Variants in GNG2 observed in about 807,000 individuals in gnomAD.
The protein encoded by GNG2 is guanine nucleotide-binding protein G(I)/G(S)/G(O) subunit gamma-2.
Under a neutral mutation model 5.5 loss-of-function variants are expected in GNG2, and 5 were observed. The ratio of observed to expected loss-of-function variants is 0.91; its 90% CI spans 0.48 to 1.92. The LOEUF (loss-of-function observed/expected upper bound fraction) is 1.92, where lower values mean the gene tolerates loss of function less well. GNG2 is among the 30% of genes most tolerant of loss of function. GNG2 has a pLI of 0.01. For synonymous variants in GNG2, 28 were observed against 32.0 expected, an observed-to-expected ratio of 0.88 and a Z score of 0.42; for missense variants, 55 against 88.4, an observed-to-expected ratio of 0.62 and a Z score of 1.52.
chr14:51,912,475 G>A (rs540675238), intron 2 of GNG2, among the ~76,000 whole-genome samples: 3 of 152,010 alleles, frequency 2.0e-5, no homozygotes, highest in Non-Finnish European at 4.4e-5. Flanking sequence ...CTGTTGCTAC[G>A]GCTGCCCTGG....
upstream of GNG2, among the ~76,000 whole-genome samples, chr14:51,858,824 A>G (rs1194503175): frequency 6.6e-6 from 1 of 152,152 alleles, no homozygotes; most frequent in East Asian, 1.9e-4. Context: ...GATCAAAGCT[A>G]GTTGCTCATT....
At chr14:51,827,567 T>G (rs1881061972) in intron 1 of GNG2, 7 of 628,038 alleles carry the variant, frequency 1.1e-5, no homozygotes, top group South Asian at 1.8e-5. Flanking sequence ...GTCATACAGT[T>G]CCAGACTATA....
At chr14:51,842,429 G>A (rs987683897) in intron 2 of GNG2, among the ~76,000 whole-genome samples, 1 of 152,170 alleles carries the variant, frequency 6.6e-6, no homozygotes, top group Non-Finnish European at 1.5e-5. Context: ...TGGAACCTAT[G>A]ACTGGCAGGC....
At chr14:51,829,874 A>T (rs4901161) in intron 2 of GNG2, among the ~76,000 whole-genome samples, 4 of 149,384 alleles carry the variant, frequency 2.7e-5, no homozygotes, top group Non-Finnish European at 5.9e-5. Flanking sequence ...ACAGAGTCTC[A>T]CTCTGTCACC....
At chr14:51,917,882 C>T (rs377315799) in intron 2 of GNG2, among the ~76,000 whole-genome samples, 47 of 151,910 alleles carry the variant, frequency 3.1e-4, no homozygotes, top group African/African-American at 1.0e-3. Context: ...AAAAATTAGC[C>T]GGGCATGGTG....
At chr14:51,861,562 G>C (rs944087392) in intron 1 of GNG2, among the ~76,000 whole-genome samples, 1 of 152,156 alleles carries the variant, frequency 6.6e-6, no homozygotes, top group Non-Finnish European at 1.5e-5. Context: ...AAATAAAAAA[G>C]TGCAGCTGGG....
At chr14:51,861,669 A>G (rs1001813995) in intron 1 of GNG2, among the ~76,000 whole-genome samples, 6 of 152,230 alleles carry the variant, frequency 3.9e-5, no homozygotes, top group Non-Finnish European at 5.9e-5. Context: ...GATGTTCTTA[A>G]TGAGAGCCTG....
intron 2 of GNG2, among the ~76,000 whole-genome samples, chr14:51,947,503 G>A (rs911885743): frequency 2.6e-5 from 4 of 152,056 alleles, no homozygotes; most frequent in African/African-American, 9.7e-5. Flanking sequence ...CTTTAAAGAT[G>A]GAGGAAAGGG....
chr14:51,911,629 T>TCAGCCATATATA (rs1555353894), intron 2 of GNG2, among the ~76,000 whole-genome samples: 1 of 151,446 alleles, frequency 6.6e-6, no homozygotes. Flanking sequence ...CTGTAACCTC[T>TCAGCCATATATA]AACTCTTGGG....
At chr14:51,925,022 T>G (rs1205645532) in intron 2 of GNG2, among the ~76,000 whole-genome samples, 4 of 152,146 alleles carry the variant, frequency 2.6e-5, no homozygotes, top group Non-Finnish European at 2.9e-5. Context: ...CACAGCTACA[T>G]AGGAGGGATA....
At chr14:51,852,539 T>G (rs575412537) in intron 2 of GNG2, among the ~76,000 whole-genome samples, 2 of 152,344 alleles carry the variant, frequency 1.3e-5, no homozygotes, top group African/African-American at 4.8e-5. Flanking sequence ...AGTGGTAATT[T>G]GTCGGGGCAG....
At chr14:51,938,052 T>C (rs1435756116) in intron 2 of GNG2, among the ~76,000 whole-genome samples, 1 of 152,230 alleles carries the variant, frequency 6.6e-6, no homozygotes, top group Non-Finnish European at 1.5e-5. Context: ...TAGAAACTTA[T>C]TGTAACATGT....
chr14:51,913,616 G>A (rs2062136742), intron 2 of GNG2, among the ~76,000 whole-genome samples: 1 of 152,166 alleles, frequency 6.6e-6, no homozygotes. Flanking sequence ...TTCCCCCATT[G>A]TCATCACCTT....
chr14:51,901,963 T>TAAAA (rs34308582), intron 2 of GNG2, among the ~76,000 whole-genome samples: 7 of 56,448 alleles, frequency 1.2e-4, no homozygotes, highest in African/African-American at 3.3e-4. Flanking sequence ...TAACAATCTG[T>TAAAA]AAAAAAAAAA....
At chr14:51,950,348 T>G (rs968809088) in intron 2 of GNG2, among the ~76,000 whole-genome samples, 2 of 152,170 alleles carry the variant, frequency 1.3e-5, no homozygotes, top group African/African-American at 4.8e-5. Context: ...TACGCTGAGG[T>G]GGTCACAGTT....
At chr14:51,933,608 GA>G (rs1170847748) in intron 2 of GNG2, among the ~76,000 whole-genome samples, 24 of 152,134 alleles carry the variant, frequency 1.6e-4, no homozygotes, top group Non-Finnish European at 2.8e-4. Context: ...AAAGGACCAG[GA>G]AAAAACTGCA....
In GNG2 at chr14:51,912,273, C is replaced by T. The variant is rs78043168; in HGVS notation, c.-30+34616C>T. ...ATGGGGGAGATATAGTAAGAATGGC[C>T]AGAAAAGGAAGAGAGCACTAAGATT... On this transcript the variant is annotated intron_variant, in intron 2 of 3. Transcript: ENST00000556766. Among the ~76,000 whole-genome samples the T allele has an allele frequency of 4.6e-5, 7 of 152,022 alleles. No homozygotes were observed. The East Asian group carries it at 1.3e-3, about 29-fold the overall frequency.
At chr14:51,911,274 G>A (rs902130252) in intron 2 of GNG2, among the ~76,000 whole-genome samples, 1 of 152,190 alleles carries the variant, frequency 6.6e-6, no homozygotes, top group Non-Finnish European at 1.5e-5. Context: ...TGTGCTTGGG[G>A]TGGGAAAATA....
intron 3 of GNG2, among the ~76,000 whole-genome samples, chr14:51,961,693 A>C (rs892098225): frequency 7.9e-5 from 12 of 152,216 alleles, no homozygotes; most frequent in African/African-American, 2.9e-4. Flanking sequence ...ATTTCTGCTG[A>C]CTTCTGAAGG....
Sources: allele counts gnomAD v4.1 joint callset (sites outside exome capture counted in the v4.1 genomes callset), GRCh38; gene constraint gnomAD v4.1.1; transcripts MANE v1.5; gene names NCBI Gene and HGNC (gene_info 2026-07-23, HGNC 2026-07-21).